The following CHSY3 variants were observed in gnomAD, a reference collection of about 807,000 sequenced individuals.
CHSY3 encodes N-acetylgalactosaminyl-proteoglycan 3-beta-glucuronosyltransferase 3.
Under a neutral mutation model 67.2 loss-of-function variants are expected in CHSY3, and 35 were observed. That is an observed-to-expected ratio of 0.52 (90% CI 0.40 to 0.69). CHSY3 has a LOEUF of 0.69. CHSY3 is among the 30% of genes least tolerant of loss of function. The pLI is 0.00. For synonymous variants in CHSY3, 474 were observed against 434.7 expected (o/e 1.09, Z -1.12); for missense variants, 1,069 against 1,138.5 (o/e 0.94, Z 0.88).
intron 2 of CHSY3, among the ~76,000 whole-genome samples, chr5:129,926,772 T>C (rs1158224327): frequency 6.6e-6 from 1 of 151,952 alleles, no homozygotes; most frequent in Non-Finnish European, 1.5e-5. Context: ...TAGTTTTGTT[T>C]GTGTTTTTTC....
chr5:130,182,782 A>G (rs1341331874), intron 2 of CHSY3, among the ~76,000 whole-genome samples: 1 of 151,820 alleles, frequency 6.6e-6, no homozygotes, highest in African/African-American at 2.4e-5. Flanking sequence ...TTATATTTCT[A>G]TTACTTTGCT....
chr5:130,011,848 C>G (rs1391141782), intron 2 of CHSY3, among the ~76,000 whole-genome samples: 1 of 152,098 alleles, frequency 6.6e-6, no homozygotes, highest in Non-Finnish European at 1.5e-5. Context: ...ATCAAGAAGA[C>G]AATCCCATTC....
At chr5:130,078,911 G>A (rs1766361027) in intron 2 of CHSY3, among the ~76,000 whole-genome samples, 1 of 152,128 alleles carries the variant, frequency 6.6e-6, no homozygotes. Flanking sequence ...ATTATACTCA[G>A]TCTCTCTTTA....
Position 129,935,422 on chromosome 5 carries a change from A to G in CHSY3, c.1086+27062A>G, listed in dbSNP as rs1032022918. 6.6e-5 allele frequency among the ~76,000 whole-genome samples: 10 copies of G among 152,302 alleles called. No homozygotes were observed. The East Asian group carries it at 1.4e-3, about 21-fold the overall frequency. ...ATGTTCTTCTGCCAAATAAATAAGG[A>G]CAGACATCACTCTTGAGGCCTTTAT... is the stretch of plus-strand genomic sequence containing the variant. On this transcript the variant is annotated intron_variant, in intron 2 of 2. Coordinates refer to ENST00000305031, the MANE Select transcript of CHSY3 (RefSeq NM_175856.5).
chr5:130,123,933 C>A (rs1472209485), intron 2 of CHSY3, among the ~76,000 whole-genome samples: 1 of 148,596 alleles, frequency 6.7e-6, no homozygotes, highest in Non-Finnish European at 1.5e-5. Flanking sequence ...GTGGCGGGGG[C>A]CTGTAGTCCC....
At position 130,178,230 on chromosome 5, in the gene CHSY3, TA is replaced by T. The variant is rs1290806160; in HGVS notation, c.1087-5998del. Among the ~76,000 whole-genome samples, 8 of 54,752 alleles carry T rather than the reference TA, an allele frequency of 1.5e-4. No homozygotes were observed. In the South Asian group the frequency reaches 1.9e-3, roughly 13 times the overall value. 35.9% of individuals were successfully genotyped at this position (54,752 alleles called of 152,430 possible). On this transcript the variant is annotated intron_variant, in intron 2 of 2. Coordinates refer to ENST00000305031, the MANE Select transcript of CHSY3 (RefSeq NM_175856.5). The stretch of plus-strand genomic sequence containing the variant: ...ATATATATGTATATATTTATATTTA[TA>T]TATATATATATATATATATATATTT...
intron 2 of CHSY3, among the ~76,000 whole-genome samples, chr5:130,175,974 T>C (rs543338586): frequency 5.3e-5 from 8 of 152,168 alleles, no homozygotes; most frequent in African/African-American, 1.9e-4. Context: ...CCAAAAGCAA[T>C]GGCAACAAAA....
At chr5:129,912,800 C>T (rs989151707) in intron 2 of CHSY3, among the ~76,000 whole-genome samples, 2 of 152,116 alleles carry the variant, frequency 1.3e-5, no homozygotes, top group African/African-American at 2.4e-5. Flanking sequence ...CAGACTGGTT[C>T]TTTGTGTGCC....
intron 2 of CHSY3, among the ~76,000 whole-genome samples, chr5:130,086,320 A>G (rs1353679165): frequency 1.3e-5 from 2 of 151,974 alleles, no homozygotes; most frequent in Non-Finnish European, 2.9e-5. Flanking sequence ...TATATTTAGG[A>G]TAGTTAGCTC....
chr5:130,123,327 C>A (rs530261566), intron 2 of CHSY3, among the ~76,000 whole-genome samples: 14 of 152,222 alleles, frequency 9.2e-5, no homozygotes, highest in Non-Finnish European at 1.8e-4. Context: ...AGTCACCAAC[C>A]TTTTTGGCAC....
intron 2 of CHSY3, among the ~76,000 whole-genome samples, chr5:129,987,865 G>A (rs900372932): frequency 5.9e-5 from 9 of 152,152 alleles, no homozygotes; most frequent in East Asian, 3.9e-4. Flanking sequence ...GATTTTTCTC[G>A]CTGCAGTTGT....
At chr5:130,015,077 T>C (rs1462028334) in intron 2 of CHSY3, among the ~76,000 whole-genome samples, 1 of 152,186 alleles carries the variant, frequency 6.6e-6, no homozygotes, top group African/African-American at 2.4e-5. Flanking sequence ...AGGAGGTGAT[T>C]GGATCATGGC....
intron 2 of CHSY3, among the ~76,000 whole-genome samples, chr5:129,938,891 T>C (rs115432752): frequency 0.011 from 1,710 of 152,298 alleles, 39 homozygotes; most frequent in African/African-American, 0.038. Flanking sequence ...CATGGCTCAG[T>C]TCCAAAGTTG....
At chr5:129,943,111 A>C (rs1011080250) in intron 2 of CHSY3, among the ~76,000 whole-genome samples, 1 of 152,148 alleles carries the variant, frequency 6.6e-6, no homozygotes, top group South Asian at 2.1e-4. Context: ...AGTAGTATGC[A>C]TATTTGTGTC....
intron 2 of CHSY3, among the ~76,000 whole-genome samples, chr5:129,988,445 A>T (rs1403358431): frequency 6.6e-6 from 1 of 152,084 alleles, no homozygotes; most frequent in East Asian, 1.9e-4. Context: ...ATGAAGCCCC[A>T]CTCACTGTCA....
intron 2 of CHSY3, among the ~76,000 whole-genome samples, chr5:129,987,996 A>G (rs1333438663): frequency 2.0e-5 from 3 of 152,128 alleles, no homozygotes; most frequent in Non-Finnish European, 2.9e-5. Context: ...AAGTATTAAA[A>G]TTTTTTAGGT....
At chr5:129,960,985 G>A (rs888402537) in intron 2 of CHSY3, among the ~76,000 whole-genome samples, 5 of 152,010 alleles carry the variant, frequency 3.3e-5, no homozygotes, top group Non-Finnish European at 5.9e-5. Flanking sequence ...GACAATTTCC[G>A]CAGTATGTTC....
chr5:129,956,944 C>T lies in CHSY3; in HGVS notation c.1086+48584C>T, dbSNP rs138441420. On this transcript the variant is annotated intron_variant, in intron 2 of 2. Transcript: ENST00000305031. ...GTTGCTTAGGATTTCTTTGGCTATT[C>T]GGGCTATTTTTGGTTTCATATTAAT... 3.8e-3 allele frequency among the ~76,000 whole-genome samples: 578 copies of T among 151,852 alleles called. 7 individuals carry two copies. Among genetic ancestry groups the T allele is most frequent in the African/African-American group, 0.013 (543 of 41,438 alleles).
intron 2 of CHSY3, among the ~76,000 whole-genome samples, chr5:130,006,154 A>G (rs1017102691): frequency 6.6e-6 from 1 of 152,184 alleles, no homozygotes; most frequent in Admixed American, 6.5e-5. Context: ...ACATTCTTGG[A>G]TTATACTTGC....
Sources: gnomAD v4.1 joint callset for allele counts (sites outside exome capture counted in the v4.1 genomes callset) on GRCh38, gnomAD v4.1.1 for gene constraint, MANE v1.5 for transcripts, NCBI Gene and HGNC (gene_info 2026-07-23, HGNC 2026-07-21) for gene names.